Variants in ZAP70 observed in about 807,000 individuals in gnomAD.
ZAP70 encodes tyrosine-protein kinase ZAP-70.
Under a neutral mutation model 65.8 loss-of-function variants are expected in ZAP70, and 27 were observed. The ratio of observed to expected loss-of-function variants is 0.41; its 90% CI spans 0.30 to 0.57. ZAP70 has a LOEUF of 0.57. Among genes scored for constraint, ZAP70 ranks in the 20% least tolerant of loss-of-function variants. The pLI is 0.28. For missense variants in ZAP70, 696 were observed against 870.5 expected, an observed-to-expected ratio of 0.80 and a Z score of 2.52; for synonymous variants, 363 against 360.8, an observed-to-expected ratio of 1.01 and a Z score of -0.07.
At chr2:97,734,321 T>TG in intron 8 of ZAP70, 199 bp from the exon 9 acceptor site, 1 of 1,408,242 alleles carries the variant, frequency 7.1e-7, no homozygotes, top group Non-Finnish European at 9.3e-7. Flanking sequence ...TGTGGCTTCA[T>TG]GGGGCACCCA....
intron 2 of ZAP70, among the ~76,000 whole-genome samples, chr2:97,716,963 T>A (rs1676942062): frequency 6.6e-6 from 1 of 152,170 alleles, no homozygotes; most frequent in African/African-American, 2.4e-5. Flanking sequence ...TGTGACCATG[T>A]GGTGGGTCCA....
the ZAP70 span, among the ~76,000 whole-genome samples, chr2:97,747,856 G>GTGACTGGC: frequency 2.3e-5 from 2 of 85,872 alleles, no homozygotes; most frequent in African/African-American, 1.0e-4. Context: ...TTTGCTATTG[G>GTGACTGGC]TGACTGGCCG....
chr2:97,736,061 C>T lies in ZAP70; in HGVS notation c.1289+605C>T, dbSNP rs1233779254. ...GGGCACTGCTAGTAAGAGCTTTGTACACATCAGCTGCTCCCCAGACTCCCT... is the reference window on the plus strand; with the variant it reads ...GGGCACTGCTAGTAAGAGCTTTGTATACATCAGCTGCTCCCCAGACTCCCT... On this transcript the variant is annotated intron_variant, in intron 10 of 13. Transcript: ENST00000264972. This position sits in a 1 kb window ranked among gnomAD's most constrained non-coding sequence, Gnocchi z 4.0. Among the ~76,000 whole-genome samples the T allele has an allele frequency of 6.6e-6, 1 of 152,122 alleles. No individual in the cohort carries two copies. Among genetic ancestry groups the T allele is most frequent in the Non-Finnish European group, 1.5e-5 (1 of 68,016 alleles).
chr2:97,755,984 G>A, the ZAP70 span, among the ~76,000 whole-genome samples: 1 of 152,220 alleles, frequency 6.6e-6, no homozygotes, highest in African/African-American at 2.4e-5. Flanking sequence ...CAAGTATAAT[G>A]GAGTAACCCA....
At chr2:97,721,320 C>T (rs1677144716) in intron 2 of ZAP70, among the ~76,000 whole-genome samples, 1 of 152,236 alleles carries the variant, frequency 6.6e-6, no homozygotes, top group African/African-American at 2.4e-5. Flanking sequence ...CATTCTCAGA[C>T]ATACAGAGTG....
rs758326152 is a variant in ZAP70 at position 97,726,766 on chromosome 2, C to G, written c.563+1514C>G. On this transcript the variant is annotated intron_variant, in intron 4 of 13. Transcript: ENST00000264972. Reference sequence around the variant, plus strand: ...AGGCTTCTGAGGGAGCTCTTAGATACATGTTGCACGTAATACTCAGTTGCC... The same window carrying G: ...AGGCTTCTGAGGGAGCTCTTAGATAGATGTTGCACGTAATACTCAGTTGCC... Among the ~76,000 whole-genome samples the G allele has an allele frequency of 3.1e-4, 47 of 152,380 alleles. 1 individual carries two copies. The highest frequency in any genetic ancestry group is 6.2e-4 in the South Asian group (3 of 4,830).
downstream of ZAP70, among the ~76,000 whole-genome samples, chr2:97,740,170 C>G (rs943557386): frequency 6.6e-6 from 1 of 152,152 alleles, no homozygotes; most frequent in Admixed American, 6.5e-5. Context: ...GCTATTTTAA[C>G]AAACGCTAAC....
the ZAP70 span, among the ~76,000 whole-genome samples, chr2:97,751,949 A>T: frequency 6.6e-6 from 1 of 152,224 alleles, no homozygotes; most frequent in Admixed American, 6.5e-5. Flanking sequence ...CCCACCTTCC[A>T]CACTGGGGAT....
rs553261328 is a variant in ZAP70, at chr2:97,733,558, C to A, written c.852C>A (p.Ile284=). ...GTGGCCTTTAGCCTCAGAGACGAAT[C>A]GACACCCTCAACTCAGATGGATACA... ...PSTLTHPQRR[I]DTLNSDGYTP... is the part of the protein sequence containing the mutation. The change falls in exon 8 of 14, where the codon ATC becomes ATA. Residue 284 remains isoleucine (I), a synonymous_variant. Coordinates refer to ENST00000264972, the MANE Select transcript of ZAP70 (RefSeq NM_001079.4). 2.1e-5 allele frequency: 34 copies of A among 1,613,624 alleles called. No homozygotes were observed. Among genetic ancestry groups the A allele is most frequent in the Non-Finnish European group, 2.8e-5 (33 of 1,179,998 alleles).
At chr2:97,738,239 C>A in intron 13 of ZAP70, 132 bp downstream of exon 13, 1 of 900,572 alleles carries the variant, frequency 1.1e-6, no homozygotes, top group Admixed American at 2.0e-5. Flanking sequence ...ATAGCCTTTG[C>A]AGCTGCCCCC....
chr2:97,720,977 G>A (rs1677132079), intron 2 of ZAP70, among the ~76,000 whole-genome samples: 1 of 151,868 alleles, frequency 6.6e-6, no homozygotes, highest in African/African-American at 2.4e-5. Flanking sequence ...CCCCTTGGTT[G>A]CATTTGCATA....
chr2:97,715,240 C>T lies in ZAP70; in HGVS notation c.-22+1246C>T, dbSNP rs1676861278. On this transcript the variant is annotated intron_variant, in intron 2 of 13. Coordinates refer to ENST00000264972, the MANE Select transcript of ZAP70 (RefSeq NM_001079.4). This position sits in a 1 kb window ranked among gnomAD's most constrained non-coding sequence, Gnocchi z 4.1. ...TCATCAGAGCCAATTTTACCTCCTC[C>T]CGTCTCCCTGGGACAGTTGATAGTG... 6.6e-6 allele frequency among the ~76,000 whole-genome samples: 1 copy of T among 152,184 alleles called. No homozygotes were observed. Among genetic ancestry groups the T allele is most frequent in the Admixed American group, 6.5e-5 (1 of 15,276 alleles).
Position 97,734,874 on chromosome 2 carries a change from G to A in ZAP70, c.1082+162G>A, listed in dbSNP as rs750836747. Reference sequence around the variant, plus strand: ...GCACGCTGGAGGATTCCCTGAGAGAGCTCGGGACACCTGACGGGGGTGGGA... The same window carrying A: ...GCACGCTGGAGGATTCCCTGAGAGAACTCGGGACACCTGACGGGGGTGGGA... On this transcript the variant is annotated intron_variant, in intron 9 of 13. Transcript: ENST00000264972. 70 of 998,212 alleles carry A rather than the reference G, an allele frequency of 7.0e-5. 2 individuals are homozygous for A. In the South Asian group the frequency reaches 7.5e-4, roughly 11 times the overall value. 61.8% of individuals were successfully genotyped at this position (998,212 alleles called of 1,614,324 possible).
chr2:97,754,752 T>C, the ZAP70 span, among the ~76,000 whole-genome samples: 1 of 152,188 alleles, frequency 6.6e-6, no homozygotes, highest in Admixed American at 6.5e-5. Context: ...CACCTGTATG[T>C]AGAGCTTTAC....
At position 97,733,272 on chromosome 2, in the gene ZAP70, C is replaced by T. The variant is rs759596877; in HGVS notation, c.791-25C>T. On this transcript the variant is annotated intron_variant, in intron 6 of 13. Coordinates refer to ENST00000264972, the MANE Select transcript of ZAP70 (RefSeq NM_001079.4). Reference sequence around the variant, plus strand: ...GCGGCAGGAGACCTGGCCCCCAGCCCTCACTGTCCCTTCTGCTCCCCCAGG... The same window carrying T: ...GCGGCAGGAGACCTGGCCCCCAGCCTTCACTGTCCCTTCTGCTCCCCCAGG... The T allele has an allele frequency of 7.5e-6, 12 of 1,608,516 alleles. No individual in the cohort carries two copies. In the East Asian group the frequency reaches 1.8e-4, roughly 24 times the overall value.
rs920964008 is a variant in ZAP70 at position 97,736,152 on chromosome 2, C to T, written c.1289+696C>T. Among the ~76,000 whole-genome samples the T allele has an allele frequency of 1.3e-5, 2 of 152,074 alleles. No homozygotes were observed. Among genetic ancestry groups the T allele is most frequent in the South Asian group, 2.1e-4 (1 of 4,822 alleles). ...TTATCTGGAACCTGCCCTTTGTTTA[C>T]GTGCTGCGTGGTTTTCTATTTTTAA... On this transcript the variant is annotated intron_variant, in intron 10 of 13. Coordinates refer to ENST00000264972, the MANE Select transcript of ZAP70 (RefSeq NM_001079.4). The surrounding 1 kb of genome is among the most constrained non-coding windows in gnomAD (Gnocchi z 4.0).
chr2:97,735,204 G>A, intron 9 of ZAP70, 46 bp from the exon 10 acceptor site: 1 of 1,609,428 alleles, frequency 6.2e-7, no homozygotes, highest in Non-Finnish European at 8.5e-7. Flanking sequence ...GGCCGAGCAG[G>A]GCCGGTGCCC....
intron 4 of ZAP70, chr2:97,732,565 A>C: frequency 2.2e-6 from 1 of 456,806 alleles, no homozygotes; most frequent in Non-Finnish European, 4.1e-6. Context: ...TCCCCAGTGG[A>C]TGGGTGTCCC....
At chr2:97,738,633 C>G (rs1372652020) in intron 13 of ZAP70, 1 of 206,626 alleles carries the variant, frequency 4.8e-6, no homozygotes, top group African/African-American at 2.3e-5. Context: ...AGACAACAGG[C>G]AACACACCCC....
Sources: gnomAD v4.1 joint callset for allele counts (sites outside exome capture counted in the v4.1 genomes callset) on GRCh38, gnomAD v4.1.1 for gene constraint, Gnocchi (gnomAD v3.1) non-coding constraint, MANE v1.5 for transcripts, NCBI Gene and HGNC (gene_info 2026-07-23, HGNC 2026-07-21) for gene names.